Variants in ATP1B3 observed in about 807,000 individuals in gnomAD.
ATP1B3 encodes sodium/potassium-transporting ATPase subunit beta-3.
Under a neutral mutation model 30.2 loss-of-function variants are expected in ATP1B3, and 10 were observed. That is an observed-to-expected ratio of 0.33 (90% CI 0.20 to 0.56). The LOEUF (loss-of-function observed/expected upper bound fraction) is 0.56, where lower values mean the gene tolerates loss of function less well. Among genes scored for constraint, ATP1B3 ranks in the 20% least tolerant of loss-of-function variants. The probability of loss-of-function intolerance (pLI) is 0.90; values close to 1 mark genes in which losing one functional copy is unlikely to be tolerated. For missense variants in ATP1B3, 238 were observed against 336.7 expected (o/e 0.71, Z 2.29); for synonymous variants, 113 against 117.0 (o/e 0.97, Z 0.22).
At chr3:141,902,363 C>T (rs781614321) in intron 1 of ATP1B3, 4 of 560,770 alleles carry the variant, frequency 7.1e-6, no homozygotes, top group Non-Finnish European at 1.2e-5. Flanking sequence ...ATCTAGCTTT[C>T]AGCACAATCT....
At chr3:141,891,812 A>G (rs549946589) in intron 1 of ATP1B3, among the ~76,000 whole-genome samples, 1 of 150,794 alleles carries the variant, frequency 6.6e-6, no homozygotes, top group Admixed American at 6.6e-5. Context: ...TTTTTAATTC[A>G]GGGATTGAGA....
chr3:141,902,158 G>T, intron 1 of ATP1B3: 2 of 1,289,836 alleles, frequency 1.6e-6, no homozygotes, highest in Non-Finnish European at 2.0e-6. Context: ...TGGTAGGGAA[G>T]TGATGCTGTC....
chr3:141,915,964 C>A lies in ATP1B3; in HGVS notation c.532-6C>A. 6.2e-7 allele frequency: 1 copy of A among 1,600,352 alleles called. No individual in the cohort carries two copies. Among genetic ancestry groups the A allele is most frequent in the Non-Finnish European group, 8.5e-7 (1 of 1,172,568 alleles). On this transcript the variant is annotated splice_region_variant and splice_polypyrimidine_tract_variant and intron_variant, in intron 4 of 6. Coordinates refer to ENST00000286371, the MANE Select transcript of ATP1B3 (RefSeq NM_001679.4). ...GTTTAAATTTATCACTATTTCTTAACCTTAGATAATTGGATTAAAGCCTGA... is the reference window on the plus strand; with the variant it reads ...GTTTAAATTTATCACTATTTCTTAAACTTAGATAATTGGATTAAAGCCTGA...
chr3:141,924,135 A>T (rs983024344), intron 6 of ATP1B3, among the ~76,000 whole-genome samples: 30 of 148,296 alleles, frequency 2.0e-4, no homozygotes, highest in African/African-American at 6.0e-4. Flanking sequence ...CCTGAGGTGG[A>T]GAGTTCGAGA....
At chr3:141,923,293 A>C (rs1350589305) in intron 6 of ATP1B3, among the ~76,000 whole-genome samples, 1 of 147,106 alleles carries the variant, frequency 6.8e-6, no homozygotes, top group Non-Finnish European at 1.5e-5. Flanking sequence ...AAAAAAAAAT[A>C]GGTTAGTGGA....
At chr3:141,899,808 G>A (rs1240111703) in intron 1 of ATP1B3, among the ~76,000 whole-genome samples, 2 of 152,186 alleles carry the variant, frequency 1.3e-5, no homozygotes, top group Non-Finnish European at 2.9e-5. Flanking sequence ...GGCAGAGGTT[G>A]TGGTGAGCTG....
At chr3:141,902,678 T>A (rs916389308) in intron 1 of ATP1B3, among the ~76,000 whole-genome samples, 4 of 152,186 alleles carry the variant, frequency 2.6e-5, no homozygotes, top group African/African-American at 9.7e-5. Context: ...GATTAAGCCC[T>A]TAATGTTGAA....
chr3:141,908,588 C>T (rs879737781), intron 3 of ATP1B3, among the ~76,000 whole-genome samples: 1 of 152,216 alleles, frequency 6.6e-6, no homozygotes, highest in East Asian at 1.9e-4. Context: ...GGATGTAGCT[C>T]ATCCTTCTGT....
chr3:141,890,057 T>TA (rs1933912143), intron 1 of ATP1B3, among the ~76,000 whole-genome samples: 1 of 148,536 alleles, frequency 6.7e-6, no homozygotes, highest in African/African-American at 2.5e-5. Context: ...TTTTAATTTT[T>TA]AAAAAATGCC....
At chr3:141,908,980 CCT>C (rs779223306) in intron 3 of ATP1B3, among the ~76,000 whole-genome samples, 2 of 152,144 alleles carry the variant, frequency 1.3e-5, no homozygotes, top group Non-Finnish European at 2.9e-5. Flanking sequence ...TGGATCTCAT[CCT>C]CTCTCAGTGT....
At chr3:141,917,832 ATC>A (rs1934495208) in intron 5 of ATP1B3, among the ~76,000 whole-genome samples, 1 of 149,716 alleles carries the variant, frequency 6.7e-6, no homozygotes, top group African/African-American at 2.5e-5. Flanking sequence ...CAGTGGCATG[ATC>A]TCGGCTCACT....
At position 141,922,083 on chromosome 3, in the gene ATP1B3, T is replaced by C; in HGVS notation, c.669+20T>C. The C allele has an allele frequency of 7.1e-7, 1 of 1,399,228 alleles. No individual in the cohort carries two copies. Among genetic ancestry groups the C allele is most frequent in the South Asian group, 1.3e-5 (1 of 78,374 alleles). The allele number at this position is 1,399,228 out of a possible 1,614,324, so 86.7% of individuals were successfully genotyped here. ...CTGCATGTAAGTATTGAGAAGTTCT[T>C]ATGTGGTGATTACTCTTTTGGGAAG... On this transcript the variant is annotated intron_variant, in intron 6 of 6. Coordinates refer to ENST00000286371, the MANE Select transcript of ATP1B3 (RefSeq NM_001679.4).
At chr3:141,899,890 G>A (rs1177892707) in intron 1 of ATP1B3, among the ~76,000 whole-genome samples, 1 of 152,004 alleles carries the variant, frequency 6.6e-6, no homozygotes, top group African/African-American at 2.4e-5. Context: ...TGTCAGTTGA[G>A]TGTGGTGGCA....
chr3:141,889,387 A>T (rs920615629), intron 1 of ATP1B3, among the ~76,000 whole-genome samples: 3 of 152,150 alleles, frequency 2.0e-5, no homozygotes, highest in African/African-American at 7.2e-5. Context: ...TATCTAGGAT[A>T]AACTGAGAAA....
chr3:141,905,279 A>G (rs1934242433), intron 2 of ATP1B3, among the ~76,000 whole-genome samples: 1 of 152,118 alleles, frequency 6.6e-6, no homozygotes, highest in South Asian at 2.1e-4. Flanking sequence ...TCTCTAGAGC[A>G]GTGGTTTTCA....
intron 1 of ATP1B3, among the ~76,000 whole-genome samples, chr3:141,898,079 T>C (rs1934101768): frequency 6.6e-6 from 1 of 152,198 alleles, no homozygotes; most frequent in South Asian, 2.1e-4. Flanking sequence ...GGTGGACCCC[T>C]ACCTCAAACC....
chr3:141,894,011 CAT>C (rs1934010991), intron 1 of ATP1B3, among the ~76,000 whole-genome samples: 1 of 152,190 alleles, frequency 6.6e-6, no homozygotes, highest in African/African-American at 2.4e-5. Flanking sequence ...ACTTGTACAA[CAT>C]GTTACTGGAT....
At chr3:141,888,292 A>C (rs1933874666) in intron 1 of ATP1B3, among the ~76,000 whole-genome samples, 1 of 152,194 alleles carries the variant, frequency 6.6e-6, no homozygotes, top group Non-Finnish European at 1.5e-5. Context: ...CACCAGTCTC[A>C]GAGTGTTTCC....
In ATP1B3 at chr3:141,878,732, A is replaced by T. The variant is rs139613927; in HGVS notation, c.109+1822A>T. Among the ~76,000 whole-genome samples the T allele has an allele frequency of 1.0e-3, 157 of 152,362 alleles. 1 individual carries two copies. Among genetic ancestry groups the T allele is most frequent in the African/African-American group, 3.6e-3 (148 of 41,580 alleles). On this transcript the variant is annotated intron_variant, in intron 1 of 6. Coordinates refer to ENST00000286371, the MANE Select transcript of ATP1B3 (RefSeq NM_001679.4). ...GATTCATTTTGGAAGGATTAAGTCA[A>T]TCTCTTCAAAATCGATAAGTATTAC...
Sources: allele counts gnomAD v4.1 joint callset (sites outside exome capture counted in the v4.1 genomes callset), GRCh38; gene constraint gnomAD v4.1.1; transcripts MANE v1.5; gene names NCBI Gene and HGNC (gene_info 2026-07-23, HGNC 2026-07-21).